The following GARIN1A variants were observed in gnomAD, a reference collection of about 807,000 sequenced individuals.
GARIN1A encodes the protein golgi associated RAB2 interactor 1A.
chr7:128,693,450 G>A, the GARIN1A span: 29 of 171,170 alleles, frequency 1.7e-4, 1 homozygote, highest in East Asian at 2.4e-3. Flanking sequence ...TGTAGTCATC[G>A]TGGTGCTGAA....
chr7:128,707,686 C>T, the GARIN1A span, among the ~76,000 whole-genome samples: 1 of 152,094 alleles, frequency 6.6e-6, no homozygotes, highest in Non-Finnish European at 1.5e-5. Context: ...CTCCTGGGTT[C>T]AAATGATCCT....
chr7:128,707,220 A>ATGTGTGTGTGTG, the GARIN1A span, among the ~76,000 whole-genome samples: 7,799 of 147,174 alleles, frequency 0.053, 282 homozygotes, highest in Non-Finnish European at 0.074. Context: ...GTGTGTATGT[A>ATGTGTGTGTGTG]TGTGTGTGTG....
the GARIN1A span, among the ~76,000 whole-genome samples, chr7:128,706,906 G>A: frequency 6.6e-6 from 1 of 152,180 alleles, no homozygotes; most frequent in Non-Finnish European, 1.5e-5. Flanking sequence ...GGGGTTGGAA[G>A]GCTGCAGGTT....
At chr7:128,687,319 CA>C in the GARIN1A span, 1 of 152,120 alleles carries the variant, frequency 6.6e-6, no homozygotes, top group African/African-American at 2.4e-5. Flanking sequence ...CTTTGGTTGC[CA>C]GTAAGAGAAG....
At chr7:128,675,722 C>T in the GARIN1A span, 11 of 1,613,736 alleles carry the variant, frequency 6.8e-6, no homozygotes, top group Middle Eastern at 6.6e-4. Flanking sequence ...GGTCTGCCAC[C>T]GTGATCCTCG....
the GARIN1A span, among the ~76,000 whole-genome samples, chr7:128,681,325 C>T: frequency 6.6e-6 from 1 of 152,168 alleles, no homozygotes; most frequent in African/African-American, 2.4e-5. Flanking sequence ...TGGGTTGTCA[C>T]TCTTCTCTTT....
At chr7:128,694,095 TG>T in the GARIN1A span, among the ~76,000 whole-genome samples, 2 of 152,216 alleles carry the variant, frequency 1.3e-5, no homozygotes, top group Admixed American at 6.5e-5. Context: ...GCGTGGTGCC[TG>T]TTTTCAAGGA....
chr7:128,672,473 CTTCT>C, the GARIN1A span: 13 of 1,608,848 alleles, frequency 8.1e-6, no homozygotes, highest in African/African-American at 5.3e-5. Flanking sequence ...GGAAAATGGC[CTTCT>C]TTGTCAACTG....
chr7:128,674,824 G>A, the GARIN1A span, among the ~76,000 whole-genome samples: 605 of 152,292 alleles, frequency 4.0e-3, 4 homozygotes, highest in African/African-American at 0.014. Flanking sequence ...GCTGGGCATA[G>A]TGGCTCATGC....
the GARIN1A span, among the ~76,000 whole-genome samples, chr7:128,679,036 G>GTAACGATTGTTACATATATACGTATA: frequency 6.6e-6 from 1 of 150,572 alleles, no homozygotes; most frequent in African/African-American, 2.4e-5. Flanking sequence ...ATATACGTAT[G>GTAACGATTGTTACATATATACGTATA]TAACAATCGT....
the GARIN1A span, among the ~76,000 whole-genome samples, chr7:128,674,353 G>A: frequency 6.6e-6 from 1 of 152,118 alleles, no homozygotes; most frequent in African/African-American, 2.4e-5. Flanking sequence ...TTGAACTCCT[G>A]GCTTCAAGTG....
the GARIN1A span, among the ~76,000 whole-genome samples, chr7:128,705,104 G>A: frequency 6.6e-6 from 1 of 152,202 alleles, no homozygotes; most frequent in African/African-American, 2.4e-5. Context: ...GTATTCCACT[G>A]TGCGGATGTA....
At chr7:128,672,363 A>G in the GARIN1A span, 8 of 1,580,370 alleles carry the variant, frequency 5.1e-6, no homozygotes, top group African/African-American at 1.3e-5. Flanking sequence ...GTGGAGCCCC[A>G]GAAATGTTCC....
chr7:128,703,915 G>A, the GARIN1A span, among the ~76,000 whole-genome samples: 1 of 152,200 alleles, frequency 6.6e-6, no homozygotes, highest in Non-Finnish European at 1.5e-5. Context: ...ACTCGACGTT[G>A]GAGGATGCAT....
At chr7:128,682,819 C>T in the GARIN1A span, 6 of 554,306 alleles carry the variant, frequency 1.1e-5, no homozygotes, top group African/African-American at 7.7e-5. Context: ...TCAAGTGATC[C>T]GCCCACCTCG....
At chr7:128,682,909 T>C in the GARIN1A span, 13 of 1,362,834 alleles carry the variant, frequency 9.5e-6, no homozygotes, top group East Asian at 3.0e-4. Flanking sequence ...TTTAACAATG[T>C]TTTCTTTTTC....
At chr7:128,688,357 CAG>C in the GARIN1A span, among the ~76,000 whole-genome samples, 1 of 152,164 alleles carries the variant, frequency 6.6e-6, no homozygotes, top group African/African-American at 2.4e-5. Flanking sequence ...CTAGACCAAA[CAG>C]TAAATATAAA....
chr7:128,700,968 C>T, the GARIN1A span, among the ~76,000 whole-genome samples: 3 of 151,186 alleles, frequency 2.0e-5, no homozygotes, highest in South Asian at 4.2e-4. Context: ...AGGGGCTTGG[C>T]TCCCCCACAG....
the GARIN1A span, among the ~76,000 whole-genome samples, chr7:128,693,228 C>T: frequency 6.6e-6 from 1 of 152,228 alleles, no homozygotes; most frequent in African/African-American, 2.4e-5. Flanking sequence ...CAGCCAGAAA[C>T]ACACCATATA....
Sources: gnomAD v4.1 joint callset for allele counts (sites outside exome capture counted in the v4.1 genomes callset) on GRCh38, gnomAD v4.1.1 for gene constraint, MANE v1.5 for transcripts, NCBI Gene and HGNC (gene_info 2026-07-23, HGNC 2026-07-21) for gene names.